Variants in USP46 observed in about 807,000 individuals in gnomAD.
The protein encoded by USP46 is ubiquitin specific peptidase 46.
USP46 carries 12 observed loss-of-function variants against 44.4 expected under a neutral mutation model. The ratio of observed to expected loss-of-function variants is 0.27; its 90% CI spans 0.17 to 0.44. USP46 has a LOEUF of 0.44. Ranked by LOEUF, USP46 falls within the 20% of genes least tolerant of loss-of-function variation. USP46 has a pLI of 1.00. For missense variants in USP46, 248 were observed against 444.8 expected, an observed-to-expected ratio of 0.56 and a Z score of 3.98; for synonymous variants, 155 against 161.5, an observed-to-expected ratio of 0.96 and a Z score of 0.31.
chr4:52,597,710 T>G lies in USP46; in HGVS notation c.1031A>C (p.Tyr344Ser). 2.5e-6 allele frequency: 4 copies of G among 1,603,454 alleles called. No homozygotes were observed. The highest frequency in any genetic ancestry group is 3.4e-6 in the Non-Finnish European group (4 of 1,174,806). Reference sequence around the variant, plus strand: ...TTTTGATATATCTGACGTCAGGCCATAGAATTCTTCAATAGCTTGAGCATC... The same window carrying G: ...TTTTGATATATCTGACGTCAGGCCAGAGAATTCTTCAATAGCTTGAGCATC... ...KIDAQAIEEF[Y>S]GLTSDISKNS... Residue 344 changes from tyrosine (Y) to serine (S), a missense_variant, in exon 9 of 9, where the codon TAT (tyrosine) becomes TCT (serine). By Grantham distance (144) the Tyr-to-Ser change is moderately radical. Around this residue, in one of 5 missense-constraint regions of USP46, gnomAD observed 28 missense variants for 28.5 expected, o/e 0.98. Coordinates refer to ENST00000441222, the MANE Select transcript of USP46 (RefSeq NM_022832.4).
intron 1 of USP46, among the ~76,000 whole-genome samples, chr4:52,638,275 C>A (rs1207967561): frequency 6.6e-6 from 1 of 151,964 alleles, no homozygotes; most frequent in East Asian, 1.9e-4. Context: ...ACTGAAGATG[C>A]CATGCTGCTG....
intron 7 of USP46, 104 bp from the exon 8 acceptor site, chr4:52,598,810 T>A (rs368947495): frequency 9.2e-7 from 1 of 1,090,934 alleles, no homozygotes; most frequent in East Asian, 2.6e-5. Flanking sequence ...AAAAAAACTA[T>A]GTCATCAGCG....
intron 1 of USP46, among the ~76,000 whole-genome samples, chr4:52,637,846 A>G (rs940225614): frequency 4.6e-5 from 7 of 151,920 alleles, no homozygotes; most frequent in African/African-American, 1.7e-4. Flanking sequence ...CCCTGTTCCA[A>G]TGGCCCTCCT....
intron 1 of USP46, among the ~76,000 whole-genome samples, chr4:52,639,989 G>A (rs1240879942): frequency 6.6e-6 from 1 of 150,908 alleles, no homozygotes; most frequent in Non-Finnish European, 1.5e-5. Context: ...ACTGGTGTGA[G>A]CCATTGTGCC....
chr4:52,632,441 C>T (rs1353533190), intron 1 of USP46, among the ~76,000 whole-genome samples: 2 of 152,172 alleles, frequency 1.3e-5, no homozygotes, highest in African/African-American at 4.8e-5. Context: ...CTAGAGAAGG[C>T]TCTGTCTACC....
At chr4:52,654,586 G>A (rs1718885794) in intron 1 of USP46, among the ~76,000 whole-genome samples, 1 of 152,010 alleles carries the variant, frequency 6.6e-6, no homozygotes, top group South Asian at 2.1e-4. Flanking sequence ...GGTAGAGATT[G>A]GGTCTCACTA....
intron 4 of USP46, 78 bp from the exon 5 acceptor site, chr4:52,610,695 C>T: frequency 7.4e-7 from 1 of 1,349,344 alleles, no homozygotes; most frequent in African/African-American, 1.4e-5. Flanking sequence ...TAGGTAATCA[C>T]CGACTGCAAT....
At chr4:52,641,733 CAGAGA>C (rs1485781268) in intron 1 of USP46, among the ~76,000 whole-genome samples, 2 of 152,152 alleles carry the variant, frequency 1.3e-5, no homozygotes, top group Non-Finnish European at 1.5e-5. Flanking sequence ...AACGAAGGCC[CAGAGA>C]AGTAAACTTA....
At chr4:52,628,426 C>T in intron 2 of USP46, 1 of 400,594 alleles carries the variant, frequency 2.5e-6, no homozygotes, top group Non-Finnish European at 4.5e-6. Context: ...AAGCACTCTA[C>T]CTCAATAAAG....
intron 4 of USP46, among the ~76,000 whole-genome samples, chr4:52,611,917 T>C (rs1164170649): frequency 1.3e-5 from 2 of 152,026 alleles, no homozygotes; most frequent in Admixed American, 6.6e-5. Context: ...CAGGAATGGA[T>C]ACTGAGACAC....
chr4:52,627,215 T>C (rs1560402641), intron 3 of USP46, among the ~76,000 whole-genome samples: 2 of 152,226 alleles, frequency 1.3e-5, no homozygotes, highest in Non-Finnish European at 2.9e-5. Context: ...CTGGTATGTA[T>C]AAACTGTAAC....
intron 8 of USP46, among the ~76,000 whole-genome samples, chr4:52,598,196 G>T (rs991717045): frequency 4.6e-5 from 7 of 152,020 alleles, no homozygotes; most frequent in Non-Finnish European, 8.8e-5. Flanking sequence ...GAATGTATTG[G>T]TATAATATAA....
Position 52,628,166 on chromosome 4 carries a change from G to A in USP46, c.118-3C>T. On this transcript the variant is annotated splice_region_variant and splice_polypyrimidine_tract_variant and intron_variant, in intron 2 of 8. Transcript: ENST00000441222. ...TTACAGTAGCATGTGTTTCCAAACT[G>A]CCAAGGGACAAGAGGGATGGCTCAA... 6.2e-7 allele frequency: 1 copy of A among 1,613,126 alleles called. No homozygotes were observed. Among genetic ancestry groups the A allele is most frequent in the Non-Finnish European group, 8.5e-7 (1 of 1,179,354 alleles).
chr4:52,639,942 C>A (rs918628040), intron 1 of USP46, among the ~76,000 whole-genome samples: 1 of 134,422 alleles, frequency 7.4e-6, no homozygotes, highest in Non-Finnish European at 1.5e-5. Flanking sequence ...TGGGCTCAAA[C>A]AATCCTTTCC....
At chr4:52,600,057 T>C (rs1328344731) in intron 7 of USP46, among the ~76,000 whole-genome samples, 2 of 152,222 alleles carry the variant, frequency 1.3e-5, no homozygotes, top group Non-Finnish European at 2.9e-5. Context: ...TTATTCCTGA[T>C]AGCACTGATC....
rs547252116 is a variant in USP46 at position 52,644,554 on chromosome 4, T to C, written c.37-13410A>G. 2.6e-5 allele frequency among the ~76,000 whole-genome samples: 4 copies of C among 152,130 alleles called. No individual in the cohort carries two copies. In the South Asian group the frequency reaches 8.3e-4, roughly 32 times the overall value. Reference sequence around the variant, plus strand: ...TAGGAGAGTGAACTCTATTGTGAACTGCGCATCAGAGGGATCTAGGTTGCA... The same window carrying C: ...TAGGAGAGTGAACTCTATTGTGAACCGCGCATCAGAGGGATCTAGGTTGCA... On this transcript the variant is annotated intron_variant, in intron 1 of 8. Coordinates refer to ENST00000441222, the MANE Select transcript of USP46 (RefSeq NM_022832.4).
At chr4:52,645,240 A>AG (rs1406469555) in intron 1 of USP46, among the ~76,000 whole-genome samples, 36 of 151,716 alleles carry the variant, frequency 2.4e-4, no homozygotes, top group African/African-American at 8.2e-4. Context: ...AAAAAAAAAA[A>AG]AAAGAAAACC....
At chr4:52,614,194 A>G (rs563676290) in intron 4 of USP46, among the ~76,000 whole-genome samples, 1 of 152,338 alleles carries the variant, frequency 6.6e-6, no homozygotes, top group East Asian at 1.9e-4. Context: ...CTTTTAGCTA[A>G]TACTGTACAT....
intron 4 of USP46, among the ~76,000 whole-genome samples, chr4:52,620,831 C>A (rs906108371): frequency 6.6e-6 from 1 of 152,236 alleles, no homozygotes; most frequent in Non-Finnish European, 1.5e-5. Flanking sequence ...ATGCTCATAG[C>A]TGCATTGTTC....
Sources: gnomAD v4.1 joint callset for allele counts (sites outside exome capture counted in the v4.1 genomes callset) on GRCh38, gnomAD v4.1.1 for gene constraint, gnomAD v4.1.1 regional missense constraint, MANE v1.5 for transcripts, NCBI Gene and HGNC (gene_info 2026-07-23, HGNC 2026-07-21) for gene names.